The following ALK variants were observed in gnomAD, a reference collection of about 807,000 sequenced individuals.
The protein encoded by ALK is ALK receptor tyrosine kinase.
ALK carries 74 observed loss-of-function variants against 163.1 expected under a neutral mutation model. That is an observed-to-expected ratio of 0.45 (90% confidence interval 0.38 to 0.55). The LOEUF (loss-of-function observed/expected upper bound fraction) is 0.55, where lower values mean the gene tolerates loss of function less well. ALK is among the 20% of genes least tolerant of loss of function. The pLI is 0.00. For synonymous variants in ALK, 960 were observed against 843.2 expected (o/e 1.14, Z -2.40); for missense variants, 2,063 against 2,105.3 (o/e 0.98, Z 0.39).
chr2:29,718,632 C>T (rs1679333190), intron 1 of ALK, among the ~76,000 whole-genome samples: 1 of 152,196 alleles, frequency 6.6e-6, no homozygotes, highest in South Asian at 2.1e-4. Context: ...GGACTCTTTA[C>T]CTACATAATG....
intron 1 of ALK, among the ~76,000 whole-genome samples, chr2:29,902,745 C>G (rs1558541144): frequency 6.6e-6 from 1 of 152,222 alleles, no homozygotes; most frequent in Non-Finnish European, 1.5e-5. Flanking sequence ...CTCTTTCATC[C>G]TGACTATTCC....
intron 1 of ALK, among the ~76,000 whole-genome samples, chr2:29,909,372 G>A (rs1667636771): frequency 6.6e-6 from 1 of 152,138 alleles, no homozygotes; most frequent in Non-Finnish European, 1.5e-5. Context: ...GTGACTTGAG[G>A]TCATAGAGAT....
chr2:29,403,842 G>A (rs1210214485), intron 4 of ALK, among the ~76,000 whole-genome samples: 1 of 151,626 alleles, frequency 6.6e-6, no homozygotes, highest in Non-Finnish European at 1.5e-5. Flanking sequence ...AGCCAGGGAA[G>A]TTGAGGCTGC....
chr2:29,640,708 C>T (rs1414504511), intron 3 of ALK, among the ~76,000 whole-genome samples: 5 of 152,030 alleles, frequency 3.3e-5, no homozygotes, highest in African/African-American at 4.8e-5. Context: ...GAGTTAGTCT[C>T]GAAAGGACAG....
At chr2:29,618,137 C>T (rs530615426) in intron 3 of ALK, among the ~76,000 whole-genome samples, 42 of 152,338 alleles carry the variant, frequency 2.8e-4, no homozygotes, top group Non-Finnish European at 4.7e-4. Flanking sequence ...ACATTCACTC[C>T]AGTTCCAAGC....
At chr2:29,667,968 A>G (rs1166130690) in intron 3 of ALK, among the ~76,000 whole-genome samples, 1 of 152,072 alleles carries the variant, frequency 6.6e-6, no homozygotes, top group Non-Finnish European at 1.5e-5. Context: ...CTCATTACTC[A>G]TTATTAGTTT....
Position 29,196,524 on chromosome 2 carries a change from T to C in ALK, c.4164+246A>G, listed in dbSNP as rs148458110. ...ACTTGATAAATTCTCGTGGACTGGA[T>C]TGATTCCCCAGTTTTTACTGTGTGT... On this transcript the variant is annotated intron_variant, in intron 28 of 28. Transcript: ENST00000389048. 8.4e-4 allele frequency among the ~76,000 whole-genome samples: 128 copies of C among 152,366 alleles called. 2 individuals are homozygous for C. The East Asian group carries it at 0.018, about 21-fold the overall frequency.
At chr2:29,497,899 T>C (rs1022616782) in intron 4 of ALK, among the ~76,000 whole-genome samples, 8 of 152,192 alleles carry the variant, frequency 5.3e-5, no homozygotes, top group African/African-American at 1.7e-4. Context: ...TAAATTCTTT[T>C]CTTTCTTAAG....
At chr2:29,332,155 A>G (rs1159938141) in intron 5 of ALK, among the ~76,000 whole-genome samples, 1 of 151,734 alleles carries the variant, frequency 6.6e-6, no homozygotes, top group South Asian at 2.1e-4. Context: ...GTGTGATGGC[A>G]CGTGCCTGTA....
intron 25 of ALK, among the ~76,000 whole-genome samples, chr2:29,208,388 G>A (rs1165459919): frequency 1.3e-5 from 2 of 152,160 alleles, no homozygotes; most frequent in Admixed American, 1.3e-4. Flanking sequence ...GCTGAGCCTG[G>A]GAAGGAAAAG....
intron 2 of ALK, among the ~76,000 whole-genome samples, chr2:29,705,289 A>ATATATATATC (rs1678875518): frequency 8.5e-6 from 1 of 117,956 alleles, no homozygotes; most frequent in African/African-American, 3.1e-5. Context: ...ATAAATATAT[A>ATATATATATC]TCTGCTGTGA....
intron 1 of ALK, among the ~76,000 whole-genome samples, chr2:29,745,096 A>C (rs571219676): frequency 6.6e-6 from 1 of 152,206 alleles, no homozygotes; most frequent in South Asian, 2.1e-4. Flanking sequence ...GCCCCACAGG[A>C]AAGTGTGCTT....
At chr2:29,343,588 C>G (rs1235666539) in intron 5 of ALK, among the ~76,000 whole-genome samples, 2 of 152,082 alleles carry the variant, frequency 1.3e-5, no homozygotes, top group African/African-American at 2.4e-5. Flanking sequence ...GGGGTTGGAC[C>G]AGGTGAGCTC....
intron 1 of ALK, among the ~76,000 whole-genome samples, chr2:29,882,455 G>A (rs112305665): frequency 1.3e-4 from 20 of 152,226 alleles, no homozygotes; most frequent in Middle Eastern, 6.8e-3. Flanking sequence ...CAGCACTTTC[G>A]GAGGCTGAGG....
intron 5 of ALK, among the ~76,000 whole-genome samples, chr2:29,379,566 G>T (rs1668844084): frequency 6.6e-6 from 1 of 152,192 alleles, no homozygotes; most frequent in Non-Finnish European, 1.5e-5. Context: ...AGTCTTCCAA[G>T]GAGAATTTCT....
intron 4 of ALK, among the ~76,000 whole-genome samples, chr2:29,433,015 T>C (rs1670310647): frequency 6.6e-6 from 1 of 152,184 alleles, no homozygotes; most frequent in Non-Finnish European, 1.5e-5. Flanking sequence ...AGCTGTACCA[T>C]CTATGATTTC....
intron 3 of ALK, among the ~76,000 whole-genome samples, chr2:29,579,417 A>G (rs1433384425): frequency 1.3e-5 from 2 of 152,184 alleles, no homozygotes; most frequent in Admixed American, 6.5e-5. Context: ...AAAGATCCCC[A>G]TGGCTTATTT....
At chr2:29,225,889 G>A (rs981652255) in intron 18 of ALK, among the ~76,000 whole-genome samples, 2 of 152,082 alleles carry the variant, frequency 1.3e-5, no homozygotes, top group South Asian at 2.1e-4. Context: ...AAGAGATGTG[G>A]GGGCCGCAGG....
intron 3 of ALK, among the ~76,000 whole-genome samples, chr2:29,556,711 T>C (rs1345352359): frequency 1.3e-5 from 2 of 152,198 alleles, no homozygotes; most frequent in Non-Finnish European, 2.9e-5. Context: ...AATGTGGAAG[T>C]GACATTTAGC....
Sources: gnomAD v4.1 joint callset for allele counts (sites outside exome capture counted in the v4.1 genomes callset) on GRCh38, gnomAD v4.1.1 for gene constraint, MANE v1.5 for transcripts, NCBI Gene and HGNC (gene_info 2026-07-23, HGNC 2026-07-21) for gene names.